ITGA10: variants seen among roughly 807,000 people sequenced by gnomAD.
The protein encoded by ITGA10 is integrin alpha-10.
ITGA10 carries 105 observed loss-of-function variants against 145.2 expected under a neutral mutation model. The observed-to-expected ratio is 0.72, with a 90% CI of 0.62 to 0.85. The LOEUF is 0.85. ITGA10 is among the 40% of genes least tolerant of loss of function. The pLI, the probability that ITGA10 is intolerant of heterozygous loss-of-function variation, is 0.00. For missense variants in ITGA10, 1,317 were observed against 1,444.5 expected, an observed-to-expected ratio of 0.91 and a Z score of 1.43; for synonymous variants, 506 against 557.8, an observed-to-expected ratio of 0.91 and a Z score of 1.31.
Position 145,897,235 on chromosome 1 carries a change from AC to A in ITGA10, c.2667+11del. 6.2e-7 allele frequency: 1 copy of A among 1,613,118 alleles called. No homozygotes were observed. Among genetic ancestry groups the A allele is most frequent in the Non-Finnish European group, 8.5e-7 (1 of 1,179,542 alleles). On this transcript the variant is annotated intron_variant, in intron 21 of 29. Transcript: ENST00000369304. ...TCCTAGAGCCCTCTTTTCATCCTAG[AC>A]CCCAACCCACCTTGGCTCCAGTCTG...
rs1656210291 is a variant in ITGA10 at position 145,900,901 on chromosome 1, G to A, written c.1680C>T (p.Asn560=). 1.1e-5 allele frequency: 17 copies of A among 1,613,968 alleles called. 1 individual carries two copies. The highest frequency in any genetic ancestry group is 2.7e-5 in the African/African-American group (2 of 74,858). ...GFAMGALPDL[N]QDGFADVAVG... ...CAGCCACATCAGCAAAACCATCTTG[G>A]TTCAGATCAGGAAGAGCTCCCATGG... The change falls in exon 14 of 30, where the codon AAC becomes AAT. Residue 560 remains asparagine, a synonymous_variant. Coordinates refer to ENST00000369304, the MANE Select transcript of ITGA10 (RefSeq NM_003637.5).
intron 1 of ITGA10, among the ~76,000 whole-genome samples, chr1:145,909,297 T>G (rs2101844219): frequency 6.6e-6 from 1 of 150,944 alleles, no homozygotes; most frequent in South Asian, 2.1e-4. Context: ...GAGACCCTGT[T>G]TCAAAAAAAA....
Position 145,896,303 on chromosome 1 carries a change from C to G in ITGA10, c.2884G>C (p.Val962Leu). ...YEVHPYGTLPVGPGPEFKTTL... is the reference protein window; with the variant it reads ...YEVHPYGTLPLGPGPEFKTTL... ...GTTTTGAATTCTGGGCCAGGACCCA[C>G]TGGGAGGGTCCCATATGGGTGAACC... The change falls in exon 24 of 30, where the codon GTG becomes CTG. Residue 962 changes from valine to leucine, a missense_variant. By Grantham distance (32) the Val-to-Leu change is conservative. Coordinates refer to ENST00000369304, the MANE Select transcript of ITGA10 (RefSeq NM_003637.5). The G allele has an allele frequency of 6.2e-7, 1 of 1,614,188 alleles. No homozygotes were observed. Among genetic ancestry groups the G allele is most frequent in the Non-Finnish European group, 8.5e-7 (1 of 1,179,980 alleles).
chr1:145,893,488 C>T, intron 28 of ITGA10, 52 bp downstream of exon 28: 1 of 1,430,352 alleles, frequency 7.0e-7, no homozygotes, highest in Non-Finnish European at 9.7e-7. Flanking sequence ...GGCCCTACCA[C>T]ATACCCATCA....
chr1:145,895,321 C>A lies in ITGA10; in HGVS notation c.3187G>T (p.Val1063Phe). 6.2e-7 allele frequency: 1 copy of A among 1,614,162 alleles called. No homozygotes were observed. Among genetic ancestry groups the A allele is most frequent in the Non-Finnish European group, 8.5e-7 (1 of 1,180,012 alleles). The stretch of plus-strand genomic sequence containing the variant: ...TTGTGAACCAGCCTCAATAGTCCAA[C>A]AGAGACCTCAGTCCCCTTTGCCAGC... The part of the protein sequence containing the change: ...GQLAKGTEVS[V>F]GLLRLVHNEF... The change falls in exon 27 of 30, where the codon GTT (valine) becomes TTT (phenylalanine). Residue 1063 changes from valine to phenylalanine, a missense_variant. Transcript: ENST00000369304.
Position 145,901,014 on chromosome 1 carries a change from G to A in ITGA10, c.1588-21C>T. The stretch of plus-strand genomic sequence containing the variant: ...GACTGCTGGTGGAGGAGAGAAGATA[G>A]AAGATGCTAATCTGGCAGACCCAAC... On this transcript the variant is annotated intron_variant, in intron 13 of 29. Transcript: ENST00000369304. The surrounding 1 kb of genome is among the most constrained non-coding windows in gnomAD (Gnocchi z 4.3). The A allele has an allele frequency of 1.2e-6, 2 of 1,613,894 alleles. No homozygotes were observed. The highest frequency in any genetic ancestry group is 1.6e-4 in the Middle Eastern group (1 of 6,062).
chr1:145,906,575 A>G lies in ITGA10; in HGVS notation c.367-67T>C. ...ACCCTCAGAACATGCTCCCAGTTGA[A>G]GGAGGCATGAAGACTACTCCCTGAC... On this transcript the variant is annotated intron_variant, in intron 4 of 29. Transcript: ENST00000369304. The G allele has an allele frequency of 5.6e-6, 8 of 1,431,704 alleles. No homozygotes were observed. The South Asian group carries it at 9.3e-5, about 17-fold the overall frequency. 88.7% of individuals were successfully genotyped at this position (1,431,704 alleles called of 1,614,324 possible). A position where few individuals can be genotyped will look rare whatever the true frequency, so the allele number is the denominator to read the frequency against.
At position 145,904,775 on chromosome 1, in the gene ITGA10, T is replaced by C; in HGVS notation, c.518A>G (p.Asp173Gly). 6.2e-7 allele frequency: 1 copy of C among 1,613,820 alleles called. No individual in the cohort carries two copies. The highest frequency in any genetic ancestry group is 8.5e-7 in the Non-Finnish European group (1 of 1,179,858). The change falls in exon 6 of 30, where the codon GAT becomes GGT. Residue 173 changes from aspartate to glycine, a missense_variant. By Grantham distance (94) the Asp-to-Gly change is moderately conservative. Transcript: ENST00000369304. ...CCAGGGGTAGATGCTGTTGGAGCCA[T>C]CCAAGACAATGACAACATCCATGTA... ...PTYMDVVIVL[D>G]GSNSIYPWSE...
intron 20 of ITGA10, 82 bp downstream of exon 20, chr1:145,897,430 G>A (rs1655580630): frequency 3.1e-6 from 5 of 1,591,702 alleles, no homozygotes; most frequent in South Asian, 1.1e-5. Context: ...TTTCTCTAGA[G>A]GACCTCACAG....
chr1:145,895,951 C>A (rs1168153361), intron 25 of ITGA10, 32 bp downstream of exon 25: 1 of 1,532,852 alleles, frequency 6.5e-7, no homozygotes, highest in East Asian at 2.2e-5. Flanking sequence ...CTCAAGGTGG[C>A]AGGATTCCAT....
At chr1:145,903,449 G>C (rs781826176) in intron 7 of ITGA10, among the ~76,000 whole-genome samples, 1 of 152,116 alleles carries the variant, frequency 6.6e-6, no homozygotes, top group Non-Finnish European at 1.5e-5. Flanking sequence ...TGTTGGAGTG[G>C]AGGGATAGAA....
At position 145,907,308 on chromosome 1, in the gene ITGA10, G is replaced by T. The variant is rs369492323; in HGVS notation, c.164+46C>A. On this transcript the variant is annotated intron_variant, in intron 2 of 29. Coordinates refer to ENST00000369304, the MANE Select transcript of ITGA10 (RefSeq NM_003637.5). ...CATCTATCTTGCCTCCCCTTTGTTA[G>T]CACTACTGCAGTCCCAATCCCCTGG... 14 of 1,613,856 alleles carry T rather than the reference G, an allele frequency of 8.7e-6. 1 individual carries two copies. In the Middle Eastern group the frequency reaches 1.3e-3, roughly 152 times the overall value.
rs587608270 is a variant in ITGA10 at position 145,896,392 on chromosome 1, A to G, written c.2835-40T>C. 6.2e-5 allele frequency: 92 copies of G among 1,478,922 alleles called. No homozygotes were observed. The African/African-American group carries it at 1.1e-3, about 18-fold the overall frequency. 91.6% of individuals were successfully genotyped at this position (1,478,922 alleles called of 1,614,324 possible). ...AGTCAGGAAGTACATGGTCACAGCC[A>G]TAACACAGACACAGGGGCACATGAT... On this transcript the variant is annotated intron_variant, in intron 23 of 29. Transcript: ENST00000369304.
intron 28 of ITGA10, 104 bp from the exon 29 acceptor site, chr1:145,893,378 G>T: frequency 1.0e-6 from 1 of 979,376 alleles, no homozygotes; most frequent in African/African-American, 1.6e-5. Flanking sequence ...ATAACCTCCT[G>T]CTACTTAAAG....
In ITGA10 at chr1:145,901,506, G is replaced by C. The variant is rs781932667; in HGVS notation, c.1443+10C>G. ...AATCCAAAGGTCCCACCCTTCCTTG[G>C]ATGCCCTACCTGCTCCCCCTGGAGG... is the stretch of plus-strand genomic sequence containing the variant. On this transcript the variant is annotated intron_variant, in intron 12 of 29. Transcript: ENST00000369304. The surrounding 1 kb of genome is among the most constrained non-coding windows in gnomAD (Gnocchi z 4.3). 2 of 1,552,682 alleles carry C rather than the reference G, an allele frequency of 1.3e-6. No homozygotes were observed. Among genetic ancestry groups the C allele is most frequent in the Non-Finnish European group, 1.7e-6 (2 of 1,152,668 alleles).
intron 27 of ITGA10, 28 bp from the exon 28 acceptor site, chr1:145,893,663 T>A: frequency 6.4e-7 from 1 of 1,551,124 alleles, no homozygotes. Context: ...AGGAAGACAT[T>A]TAAAATGAGC....
rs782499633 is a variant in ITGA10 at position 145,896,828 on chromosome 1, T to C, written c.2775A>G (p.Gln925=). 4.3e-6 allele frequency: 7 copies of C among 1,613,928 alleles called. No individual in the cohort carries two copies. The highest frequency in any genetic ancestry group is 1.3e-5 in the African/African-American group (1 of 74,870). Residue 925 remains glutamine, a synonymous_variant, in exon 23 of 30, where the codon CAA becomes CAG. Coordinates refer to ENST00000369304, the MANE Select transcript of ITGA10 (RefSeq NM_003637.5). The part of the protein sequence containing the change: ...SDSLERNGTL[Q]DNTAQTSAYI... ...AGGCTGAGGTCTGGGCTGTGTTATC[T>C]TGAAGGGTCCCATTTCTCTCCAGGC...
chr1:145,893,133 C>G, intron 29 of ITGA10, 28 bp downstream of exon 29: 1 of 1,504,102 alleles, frequency 6.6e-7, no homozygotes, highest in Non-Finnish European at 9.3e-7. Flanking sequence ...GCATCATGCT[C>G]CACACTCCCC....
chr1:145,904,189 T>C lies in ITGA10; in HGVS notation c.621A>G (p.Val207=), dbSNP rs1015135484. ...CATGTACAGGGCTCTCCCCATACTG[T>C]ACCAGTCCCACCTGGGAATAAAGCG... ...IDPEQIQVGL[V]QYGESPVHEW... Residue 207 remains valine (V), a synonymous_variant, in exon 7 of 30, where the codon GTA becomes GTG. Transcript: ENST00000369304. 6.8e-6 allele frequency: 11 copies of C among 1,614,002 alleles called. No homozygotes were observed. Among genetic ancestry groups the C allele is most frequent in the African/African-American group, 1.3e-5 (1 of 74,908 alleles).
Sources: gnomAD v4.1 joint callset for allele counts (sites outside exome capture counted in the v4.1 genomes callset) on GRCh38, gnomAD v4.1.1 for gene constraint, Gnocchi (gnomAD v3.1) non-coding constraint, MANE v1.5 for transcripts, NCBI Gene and HGNC (gene_info 2026-07-23, HGNC 2026-07-21) for gene names.